The following USH2A variants were observed in gnomAD, a reference collection of about 807,000 sequenced individuals.
The protein encoded by USH2A is Usher syndrome 2A (autosomal recessive, mild).
USH2A carries 443 observed loss-of-function variants against 538.9 expected under a neutral mutation model. That is an observed-to-expected ratio of 0.82 (90% CI 0.76 to 0.89). USH2A has a LOEUF of 0.89. USH2A is among the 40% of genes least tolerant of loss of function. The pLI is 0.00. For synonymous variants in USH2A, 2,413 were observed against 2,273.5 expected, an observed-to-expected ratio of 1.06 and a Z score of -1.75; for missense variants, 6,633 against 6,324.8, an observed-to-expected ratio of 1.05 and a Z score of -1.65.
At chr1:216,096,755 AT>A (rs1367357876) in intron 22 of USH2A, among the ~76,000 whole-genome samples, 3 of 152,146 alleles carry the variant, frequency 2.0e-5, no homozygotes, top group Non-Finnish European at 4.4e-5. Context: ...AGGGGACATG[AT>A]TTTTTGCTAC....
intron 55 of USH2A, among the ~76,000 whole-genome samples, chr1:215,775,205 C>T (rs917016389): frequency 2.0e-5 from 3 of 152,088 alleles, no homozygotes; most frequent in South Asian, 2.1e-4. Context: ...TTGTGGGCTT[C>T]GACTGTGCAA....
intron 4 of USH2A, among the ~76,000 whole-genome samples, chr1:216,355,509 A>G (rs2038377697): frequency 6.6e-6 from 1 of 152,192 alleles, no homozygotes; most frequent in African/African-American, 2.4e-5. Context: ...TAATCAATGT[A>G]GAATTCTATA....
chr1:215,919,359 T>G (rs1322223362), intron 38 of USH2A, among the ~76,000 whole-genome samples: 1 of 152,132 alleles, frequency 6.6e-6, no homozygotes, highest in Non-Finnish European at 1.5e-5. Flanking sequence ...CATAATTAAG[T>G]TCTCAGTGTC....
intron 3 of USH2A, among the ~76,000 whole-genome samples, chr1:216,394,941 C>A (rs374558461): frequency 9.9e-5 from 15 of 152,072 alleles, no homozygotes; most frequent in South Asian, 4.2e-4. Flanking sequence ...GATGGTCTCG[C>A]TCTCCTGACC....
intron 35 of USH2A, among the ~76,000 whole-genome samples, chr1:215,991,619 ATTC>A (rs1668006808): frequency 6.6e-6 from 1 of 152,246 alleles, no homozygotes; most frequent in African/African-American, 2.4e-5. Context: ...AATCTCCCAA[ATTC>A]TTCTTGCTTG....
chr1:215,701,253 TGTG>T, intron 61 of USH2A, among the ~76,000 whole-genome samples: 2 of 152,328 alleles, frequency 1.3e-5, no homozygotes, highest in Non-Finnish European at 2.9e-5. Context: ...ATAAGTGTGA[TGTG>T]GTGCTGAGAA....
At chr1:216,294,616 T>A (rs148076195) in intron 9 of USH2A, among the ~76,000 whole-genome samples, 74 of 151,962 alleles carry the variant, frequency 4.9e-4, no homozygotes, top group African/African-American at 1.7e-3. Context: ...AATTACATTA[T>A]CAAAGAGTAT....
intron 21 of USH2A, among the ~76,000 whole-genome samples, chr1:216,097,782 G>A (rs139705361): frequency 1.3e-3 from 196 of 152,282 alleles, no homozygotes; most frequent in African/African-American, 4.6e-3. Flanking sequence ...CATATCATAG[G>A]ATATACAATG....
chr1:216,325,851 C>A (rs998304427), intron 5 of USH2A, among the ~76,000 whole-genome samples: 2 of 152,012 alleles, frequency 1.3e-5, no homozygotes, highest in Admixed American at 6.6e-5. Flanking sequence ...CATGCATAAG[C>A]CCTTGTCTGA....
chr1:215,997,717 G>T (rs1055372613), intron 34 of USH2A, among the ~76,000 whole-genome samples: 5 of 152,012 alleles, frequency 3.3e-5, no homozygotes, highest in African/African-American at 1.2e-4. Context: ...AGTTTTGGTT[G>T]CTTCCAAAAA....
At chr1:215,827,830 C>T (rs964174820) in intron 47 of USH2A, among the ~76,000 whole-genome samples, 4 of 152,164 alleles carry the variant, frequency 2.6e-5, no homozygotes, top group African/African-American at 9.6e-5. Context: ...GCCCAACACT[C>T]TCCCTATTAA....
chr1:215,673,964 T>C lies in USH2A; in HGVS notation c.13811+136A>G, dbSNP rs1218672485. 4.8e-6 allele frequency: 7 copies of C among 1,467,646 alleles called. No homozygotes were observed. In the African/African-American group the frequency reaches 7.0e-5, roughly 15 times the overall value. The allele number at this position is 1,467,646 out of a possible 1,614,324, so 90.9% of individuals were successfully genotyped here. A position where few individuals can be genotyped will look rare whatever the true frequency, so the allele number is the denominator to read the frequency against. On this transcript the variant is annotated intron_variant, in intron 63 of 71. Transcript: ENST00000307340. The stretch of plus-strand genomic sequence containing the variant: ...GGGTGAGGATGTGCTTTGTCTACTA[T>C]GCACGTTTAGGTGGATGGAGGTTGG...
rs1208854233 is a variant in USH2A at position 215,755,602 on chromosome 1, T to A, written c.11389+2993A>T. On this transcript the variant is annotated intron_variant, in intron 58 of 71. Coordinates refer to ENST00000307340, the MANE Select transcript of USH2A (RefSeq NM_206933.4). ...CCAGGAAAAAGATTTAATTGAAGAT[T>A]TTAATCTTTCCTTATATTATATGGT... 8.5e-5 allele frequency among the ~76,000 whole-genome samples: 13 copies of A among 152,190 alleles called. 1 individual carries two copies.
intron 20 of USH2A, among the ~76,000 whole-genome samples, chr1:216,184,506 T>C (rs962908657): frequency 3.9e-5 from 6 of 151,976 alleles, no homozygotes; most frequent in African/African-American, 1.4e-4. Flanking sequence ...CTTTTTAGCA[T>C]GGAGCAGAAA....
chr1:216,086,152 C>G (rs1302857377), intron 24 of USH2A, among the ~76,000 whole-genome samples: 1 of 151,926 alleles, frequency 6.6e-6, no homozygotes, highest in Non-Finnish European at 1.5e-5. Flanking sequence ...AGAATATGTT[C>G]TTATGCTCTT....
At chr1:216,320,383 T>C (rs2102648725) in intron 9 of USH2A, among the ~76,000 whole-genome samples, 1 of 152,258 alleles carries the variant, frequency 6.6e-6, no homozygotes, top group East Asian at 1.9e-4. Flanking sequence ...TTCTTTATAT[T>C]TACCTAGTCT....
intron 59 of USH2A, among the ~76,000 whole-genome samples, chr1:215,742,446 A>T: frequency 7.0e-6 from 1 of 142,762 alleles, no homozygotes; most frequent in East Asian, 3.6e-4. Flanking sequence ...GTTATATATG[A>T]TATACACATA....
At chr1:215,766,476 G>T (rs1236958588) in intron 56 of USH2A, among the ~76,000 whole-genome samples, 1 of 152,044 alleles carries the variant, frequency 6.6e-6, no homozygotes, top group Non-Finnish European at 1.5e-5. Flanking sequence ...ACTCTATAAA[G>T]GTTAAAGAAT....
intron 21 of USH2A, 137 bp from the exon 22 acceptor site, chr1:216,097,350 G>T: frequency 6.8e-7 from 1 of 1,461,246 alleles, no homozygotes; most frequent in Non-Finnish European, 9.4e-7. Flanking sequence ...ATACTCGCAT[G>T]GTCTAGGCCA....
Sources: allele counts gnomAD v4.1 joint callset (sites outside exome capture counted in the v4.1 genomes callset), GRCh38; gene constraint gnomAD v4.1.1; transcripts MANE v1.5; gene names NCBI Gene and HGNC (gene_info 2026-07-23, HGNC 2026-07-21).